The following SLC1A1 variants were observed in gnomAD, a reference collection of about 807,000 sequenced individuals.
SLC1A1 encodes excitatory amino acid transporter 3.
A neutral mutation model predicts 53.3 loss-of-function variants in SLC1A1; 43 were observed. The ratio of observed to expected loss-of-function variants is 0.81; its 90% CI spans 0.63 to 1.04. The LOEUF is 1.04. Among genes scored for constraint, SLC1A1 ranks in the 50% least tolerant of loss-of-function variants. SLC1A1 has a pLI of 0.00. For missense variants in SLC1A1, 748 were observed against 664.9 expected, an observed-to-expected ratio of 1.12 and a Z score of -1.37; for synonymous variants, 307 against 243.2, an observed-to-expected ratio of 1.26 and a Z score of -2.44.
At chr9:4,504,998 G>A (rs1820750449) in intron 1 of SLC1A1, among the ~76,000 whole-genome samples, 1 of 151,348 alleles carries the variant, frequency 6.6e-6, no homozygotes, top group African/African-American at 2.4e-5. Context: ...TTTGGATTAG[G>A]TGGAGTTTCG....
chr9:4,526,662 C>CT (rs1437840282), intron 1 of SLC1A1, among the ~76,000 whole-genome samples: 4 of 152,100 alleles, frequency 2.6e-5, no homozygotes, highest in African/African-American at 9.7e-5. Context: ...TCAGAATACT[C>CT]TTTCAAAGAA....
intron 1 of SLC1A1, among the ~76,000 whole-genome samples, chr9:4,533,648 A>T (rs1012886342): frequency 2.0e-5 from 3 of 152,192 alleles, no homozygotes; most frequent in Non-Finnish European, 4.4e-5. Context: ...AACATTAGAC[A>T]GATCAACGAG....
chr9:4,580,235 AAAAG>A (rs145533584), intron 10 of SLC1A1, among the ~76,000 whole-genome samples: 137 of 149,544 alleles, frequency 9.2e-4, no homozygotes, highest in East Asian at 1.6e-3. Context: ...CATCTCAAAG[AAAAG>A]AAAGAAAGAA....
At position 4,583,711 on chromosome 9, in the gene SLC1A1, T is replaced by C. The variant is rs1451707052; in HGVS notation, c.1328+539T>C. Among the ~76,000 whole-genome samples, 1 of 152,132 alleles carries C rather than the reference T, an allele frequency of 6.6e-6. No individual in the cohort carries two copies. ...ATGGGAAAAAATCTGCCTATGTCAT[T>C]GGGTTGTTTTAAGGACTGAGTGAGC... On this transcript the variant is annotated intron_variant, in intron 11 of 11. Coordinates refer to ENST00000262352, the MANE Select transcript of SLC1A1 (RefSeq NM_004170.6). The surrounding 1 kb of genome is among the most constrained non-coding windows in gnomAD (Gnocchi z 4.6).
chr9:4,561,611 G>C, intron 3 of SLC1A1, 70 bp downstream of exon 3: 1 of 954,202 alleles, frequency 1.0e-6, no homozygotes, highest in Non-Finnish European at 1.7e-6. Flanking sequence ...GTAGTTGGTG[G>C]CCAGATGCGG....
intron 10 of SLC1A1, among the ~76,000 whole-genome samples, chr9:4,579,348 C>A (rs187916553): frequency 2.6e-5 from 4 of 152,344 alleles, no homozygotes; most frequent in Admixed American, 2.6e-4. Context: ...ACTTCCCTCA[C>A]CCTGGGCTGT....
intron 1 of SLC1A1, among the ~76,000 whole-genome samples, chr9:4,493,045 T>C (rs891929505): frequency 2.0e-5 from 3 of 152,234 alleles, no homozygotes; most frequent in Non-Finnish European, 2.9e-5. Flanking sequence ...ATGCTCATTT[T>C]GCAGACATGG....
At chr9:4,504,121 C>T (rs1054247941) in intron 1 of SLC1A1, among the ~76,000 whole-genome samples, 1 of 152,176 alleles carries the variant, frequency 6.6e-6, no homozygotes. Context: ...CTGATCTTCT[C>T]AAGAAACCAG....
intron 1 of SLC1A1, among the ~76,000 whole-genome samples, chr9:4,503,149 G>A (rs1356617699): frequency 6.6e-6 from 1 of 151,560 alleles, no homozygotes; most frequent in East Asian, 1.9e-4. Context: ...ATCACCATTA[G>A]CACCACCATT....
chr9:4,506,957 G>A (rs149732124), intron 1 of SLC1A1, among the ~76,000 whole-genome samples: 3 of 152,174 alleles, frequency 2.0e-5, no homozygotes, highest in African/African-American at 4.8e-5. Flanking sequence ...GTAGGCTGGC[G>A]GCAGTGGCTC....
rs756032741 is a variant in SLC1A1 at position 4,576,539 on chromosome 9, C to T, written c.999-30C>T. 123 of 1,592,444 alleles carry T rather than the reference C, an allele frequency of 7.7e-5. 1 individual carries two copies. The East Asian group carries it at 2.5e-3, about 33-fold the overall frequency. ...GGGACTAAGGTCCAGCATTTCTAGACATAAGTTCCTTTCTATTTTTATCAC... is the reference window on the plus strand; with the variant it reads ...GGGACTAAGGTCCAGCATTTCTAGATATAAGTTCCTTTCTATTTTTATCAC... On this transcript the variant is annotated intron_variant, in intron 9 of 11. Transcript: ENST00000262352.
At chr9:4,553,164 T>C (rs1564030268) in intron 2 of SLC1A1, among the ~76,000 whole-genome samples, 1 of 152,128 alleles carries the variant, frequency 6.6e-6, no homozygotes, top group Non-Finnish European at 1.5e-5. Flanking sequence ...ATATGGACTT[T>C]GGAAAAGAAC....
At chr9:4,575,726 T>C (rs756512910) in intron 8 of SLC1A1, among the ~76,000 whole-genome samples, 1 of 151,990 alleles carries the variant, frequency 6.6e-6, no homozygotes, top group African/African-American at 2.4e-5. Flanking sequence ...CACACAGGGG[T>C]GTGGCAGCAT....
At chr9:4,541,627 G>C (rs188278972) in intron 1 of SLC1A1, among the ~76,000 whole-genome samples, 1 of 152,286 alleles carries the variant, frequency 6.6e-6, no homozygotes, top group African/African-American at 2.4e-5. Context: ...TAAGGAAAAG[G>C]CTAATCTATA....
At chr9:4,521,645 C>T (rs1014355955) in intron 1 of SLC1A1, among the ~76,000 whole-genome samples, 16 of 152,184 alleles carry the variant, frequency 1.1e-4, no homozygotes, top group Non-Finnish European at 1.6e-4. Context: ...CTGTTTGAGA[C>T]GGTATGGTAA....
chr9:4,527,540 G>A (rs1424889656), intron 1 of SLC1A1, among the ~76,000 whole-genome samples: 2 of 152,064 alleles, frequency 1.3e-5, no homozygotes, highest in Admixed American at 6.5e-5. Flanking sequence ...AGACTGTTAT[G>A]GTATACTACA....
chr9:4,506,734 G>C (rs1820822106), intron 1 of SLC1A1, among the ~76,000 whole-genome samples: 1 of 152,196 alleles, frequency 6.6e-6, no homozygotes. Context: ...CACTGAGCTT[G>C]TGTAGGCTTC....
intron 3 of SLC1A1, 88 bp from the exon 4 acceptor site, chr9:4,564,256 C>G: frequency 2.2e-6 from 2 of 895,996 alleles, no homozygotes; most frequent in Non-Finnish European, 3.6e-6. Context: ...TTGCCTGGTA[C>G]AACCATGCCC....
At chr9:4,510,622 C>T (rs979391866) in intron 1 of SLC1A1, among the ~76,000 whole-genome samples, 2 of 152,226 alleles carry the variant, frequency 1.3e-5, no homozygotes, top group African/African-American at 4.8e-5. Context: ...CCAAGCAAGA[C>T]TCTTCCCTGG....
Sources: gnomAD v4.1 joint callset for allele counts (sites outside exome capture counted in the v4.1 genomes callset) on GRCh38, gnomAD v4.1.1 for gene constraint, Gnocchi (gnomAD v3.1) non-coding constraint, MANE v1.5 for transcripts, NCBI Gene and HGNC (gene_info 2026-07-23, HGNC 2026-07-21) for gene names.